Variants in RNF130 observed in about 807,000 individuals in gnomAD.
RNF130 encodes the protein ring finger protein 130.
A neutral mutation model predicts 44.6 loss-of-function variants in RNF130; 21 were observed. The observed-to-expected ratio is 0.47, with a 90% CI of 0.33 to 0.68. The LOEUF is 0.68. Among genes scored for constraint, RNF130 ranks in the 30% least tolerant of loss-of-function variants. The probability of loss-of-function intolerance (pLI) is 0.02; values close to 1 mark genes in which losing one functional copy is unlikely to be tolerated. For synonymous variants in RNF130, 214 were observed against 210.4 expected, an observed-to-expected ratio of 1.02 and a Z score of -0.15; for missense variants, 479 against 560.6, an observed-to-expected ratio of 0.85 and a Z score of 1.47.
At chr5:180,038,401 A>C (rs563017189) in intron 2 of RNF130, among the ~76,000 whole-genome samples, 1 of 123,112 alleles carries the variant, frequency 8.1e-6, no homozygotes, top group Non-Finnish European at 1.8e-5. Flanking sequence ...AAAAAAAAAA[A>C]GCCTGTTTTG....
chr5:179,929,795 C>T (rs1049019495), intron 7 of RNF130, among the ~76,000 whole-genome samples: 12 of 152,050 alleles, frequency 7.9e-5, no homozygotes, highest in Non-Finnish European at 1.8e-4. Context: ...AATACACACA[C>T]CCACACCCAC....
chr5:180,035,941 T>C (rs973252069), intron 2 of RNF130, among the ~76,000 whole-genome samples: 1 of 152,246 alleles, frequency 6.6e-6, no homozygotes, highest in African/African-American at 2.4e-5. Context: ...ATTTCTTTAA[T>C]ATAGTTTCCT....
At chr5:179,931,726 G>C (rs1271630110) in intron 7 of RNF130, among the ~76,000 whole-genome samples, 1 of 151,924 alleles carries the variant, frequency 6.6e-6, no homozygotes, top group Non-Finnish European at 1.5e-5. Flanking sequence ...AGTGAGCTGA[G>C]ATGGTGCCAC....
At chr5:179,978,767 C>T (rs925884953) in intron 4 of RNF130, among the ~76,000 whole-genome samples, 3 of 152,198 alleles carry the variant, frequency 2.0e-5, no homozygotes, top group Admixed American at 6.5e-5. Flanking sequence ...AGAATGGGAG[C>T]TGTGAATCTG....
At chr5:180,035,707 G>A (rs531262407) in intron 2 of RNF130, among the ~76,000 whole-genome samples, 22 of 152,296 alleles carry the variant, frequency 1.4e-4, no homozygotes, top group African/African-American at 5.3e-4. Flanking sequence ...GTCTGACAGT[G>A]TCCCACAGGC....
Position 179,972,082 on chromosome 5 carries a change from C to T in RNF130, c.849-1576G>A, listed in dbSNP as rs189327496. 1.1e-3 allele frequency among the ~76,000 whole-genome samples: 174 copies of T among 152,312 alleles called. 1 individual carries two copies. The highest frequency in any genetic ancestry group is 4.0e-3 in the African/African-American group (166 of 41,552). On this transcript the variant is annotated intron_variant, in intron 5 of 8. Coordinates refer to ENST00000521389, the MANE Select transcript of RNF130 (RefSeq NM_018434.6). ...CCAATCCATAGGTAAGCCCCAGATA[C>T]ATTCAGTACACCTAAGGCGTTATGT...
chr5:179,985,239 T>C (rs1762928366), intron 3 of RNF130, among the ~76,000 whole-genome samples: 1 of 146,198 alleles, frequency 6.8e-6, no homozygotes, highest in African/African-American at 2.5e-5. Flanking sequence ...TGTGAAATCA[T>C]GTACTACGTC....
intron 1 of RNF130, among the ~76,000 whole-genome samples, chr5:180,058,335 T>G (rs1478301816): frequency 1.3e-5 from 2 of 152,198 alleles, no homozygotes; most frequent in East Asian, 3.9e-4. Context: ...TGTGCTAATT[T>G]TTAAAAATCT....
At chr5:179,941,114 T>C (rs1208484301) in intron 7 of RNF130, among the ~76,000 whole-genome samples, 1 of 152,236 alleles carries the variant, frequency 6.6e-6, no homozygotes, top group African/African-American at 2.4e-5. Flanking sequence ...TGTTCTTGTA[T>C]TTCTAATAGT....
chr5:179,928,347 G>A (rs1761736840), intron 7 of RNF130, among the ~76,000 whole-genome samples: 1 of 151,220 alleles, frequency 6.6e-6, no homozygotes. Flanking sequence ...TGCCAATAAT[G>A]GATATTTTGT....
intron 3 of RNF130, among the ~76,000 whole-genome samples, chr5:180,009,164 T>C (rs1037749309): frequency 1.3e-5 from 2 of 151,970 alleles, no homozygotes; most frequent in Admixed American, 6.6e-5. Context: ...CCAGGAAAAA[T>C]AGTAGAAAAT....
intron 1 of RNF130, among the ~76,000 whole-genome samples, chr5:180,055,337 T>C (rs1264679693): frequency 7.4e-6 from 1 of 135,768 alleles, no homozygotes; most frequent in East Asian, 2.2e-4. Context: ...TGAGAAGGAG[T>C]CACTCTGAGC....
intron 7 of RNF130, among the ~76,000 whole-genome samples, chr5:179,922,273 C>G (rs934327756): frequency 6.6e-6 from 1 of 152,054 alleles, no homozygotes; most frequent in Non-Finnish European, 1.5e-5. Context: ...TTGTTCAAAT[C>G]TTTAGTCCAT....
chr5:179,995,618 T>C (rs1053242453), intron 3 of RNF130, among the ~76,000 whole-genome samples: 3 of 152,204 alleles, frequency 2.0e-5, no homozygotes, highest in African/African-American at 7.2e-5. Context: ...TCCCAGGTTG[T>C]TCCTTCTCAA....
At chr5:179,950,388 A>T (rs961074031), downstream of RNF130, among the ~76,000 whole-genome samples, 49 of 152,170 alleles carry the variant, frequency 3.2e-4, 1 homozygote, top group Admixed American at 2.0e-4. Flanking sequence ...AAGTGTTGGG[A>T]TTACAGGTGT....
chr5:179,942,777 GC>G (rs1158142085), intron 7 of RNF130, among the ~76,000 whole-genome samples: 2 of 152,184 alleles, frequency 1.3e-5, no homozygotes, highest in African/African-American at 2.4e-5. Flanking sequence ...CTTCAGAGAT[GC>G]TGTAATGTTT....
intron 8 of RNF130, among the ~76,000 whole-genome samples, chr5:179,957,435 AAAT>A (rs1762235472): frequency 6.6e-6 from 1 of 152,140 alleles, no homozygotes; most frequent in Non-Finnish European, 1.5e-5. Flanking sequence ...AAATAAAGCA[AAAT>A]AATAACCACT....
chr5:179,997,808 AT>A (rs201595061), intron 3 of RNF130, among the ~76,000 whole-genome samples: 1 of 147,866 alleles, frequency 6.8e-6, no homozygotes, highest in Non-Finnish European at 1.5e-5. Flanking sequence ...GAACTTCATT[AT>A]TTTTTTTTGC....
At chr5:180,011,832 T>C (rs1301632646) in intron 3 of RNF130, among the ~76,000 whole-genome samples, 3 of 152,068 alleles carry the variant, frequency 2.0e-5, no homozygotes, top group Non-Finnish European at 2.9e-5. Flanking sequence ...CAGTAAAACA[T>C]TAACAGCTGT....
Sources: gnomAD v4.1 joint callset for allele counts (sites outside exome capture counted in the v4.1 genomes callset) on GRCh38, gnomAD v4.1.1 for gene constraint, MANE v1.5 for transcripts, NCBI Gene and HGNC (gene_info 2026-07-23, HGNC 2026-07-21) for gene names.